NEK8: variants seen among roughly 807,000 people sequenced by gnomAD.
NEK8 encodes serine/threonine-protein kinase Nek8.
In NEK8, 51 loss-of-function variants were observed where a neutral mutation model predicts 77.2. The ratio of observed to expected loss-of-function variants is 0.66; its 90% confidence interval spans 0.53 to 0.83. The LOEUF (loss-of-function observed/expected upper bound fraction) is 0.83. Ranked by LOEUF, NEK8 falls within the 40% of genes least tolerant of loss-of-function variation. The pLI, the probability that NEK8 is intolerant of heterozygous loss-of-function variation, is 0.00. For synonymous variants in NEK8, 365 were observed against 363.2 expected (o/e 1.00, Z -0.06); for missense variants, 787 against 909.2 (o/e 0.87, Z 1.73).
At chr17:28,732,362 A>G (rs1399640176) in intron 1 of NEK8, among the ~76,000 whole-genome samples, 1 of 151,936 alleles carries the variant, frequency 6.6e-6, no homozygotes, top group Non-Finnish European at 1.5e-5. Context: ...GGGTGACAGG[A>G]GTGAAAGGGA....
At position 28,737,906 on chromosome 17, in the gene NEK8, G is replaced by A. The variant is rs200972000; in HGVS notation, c.977G>A (p.Arg326Gln). ...GGTGGTGGGCTGGGCACCCCCCTGC[G>A]GCTGCCAATGCTCAACACAGAGGTG... ...AWGGGLGTPL[R>Q]LPMLNTEVVQ... is the part of the protein sequence containing the mutation. Residue 326 changes from arginine (R) to glutamine (Q), a missense_variant, in exon 7 of 15, where the codon CGG (arginine) becomes CAG (glutamine). Physicochemically the swap from Arg to Gln is conservative, Grantham distance 43. Transcript: ENST00000268766. The surrounding 1 kb of genome is among the most constrained non-coding windows in gnomAD (Gnocchi z 4.8). 163 of 1,613,818 alleles carry A rather than the reference G, an allele frequency of 1.0e-4. No individual in the cohort carries two copies. The highest frequency in any genetic ancestry group is 1.3e-4 in the Non-Finnish European group (151 of 1,179,996).
rs1177605647 is a variant in NEK8 at position 28,740,243 on chromosome 17, C to T, written c.1418-220C>T. 6.6e-6 allele frequency among the ~76,000 whole-genome samples: 1 copy of T among 152,034 alleles called. No individual in the cohort carries two copies. The highest frequency in any genetic ancestry group is 1.9e-4 in the East Asian group (1 of 5,186). On this transcript the variant is annotated intron_variant, in intron 10 of 14. Coordinates refer to ENST00000268766, the MANE Select transcript of NEK8 (RefSeq NM_178170.3). The surrounding 1 kb of genome is among the most constrained non-coding windows in gnomAD (Gnocchi z 4.7). The stretch of plus-strand genomic sequence containing the variant: ...AGGTTGCAGTGAGTGAAGATCATAC[C>T]CTTGTACTCCAGCCTTGGCGACAGA...
At chr17:28,728,970 C>T (rs1466148297) in intron 1 of NEK8, 110 bp downstream of exon 1, 2 of 1,025,314 alleles carry the variant, frequency 2.0e-6, no homozygotes, top group Middle Eastern at 2.4e-4. Flanking sequence ...GTGAGCGCCA[C>T]TCTGGGAAGC....
In NEK8 at chr17:28,740,577, C is replaced by T; in HGVS notation, c.1532C>T (p.Thr511Ile). The T allele has an allele frequency of 3.7e-6, 6 of 1,614,214 alleles. No homozygotes were observed. The highest frequency in any genetic ancestry group is 5.1e-6 in the Non-Finnish European group (6 of 1,180,026). ...VCGIDSSMIL[T>I]VPGQALACGS... The stretch of plus-strand genomic sequence containing the variant: ...GGTATCGATTCCTCCATGATCCTCA[C>T]TGTGCCTGGCCAAGCCCTAGCCTGT... The change falls in exon 11 of 15, where the codon ACT becomes ATT. Residue 511 changes from threonine (T) to isoleucine (I), a missense_variant. This residue lies in a region of NEK8 where 516 missense variants were observed against 544.0 expected (regional missense o/e 0.95). Coordinates refer to ENST00000268766, the MANE Select transcript of NEK8 (RefSeq NM_178170.3). The surrounding 1 kb of genome is among the most constrained non-coding windows in gnomAD (Gnocchi z 4.7).
chr17:28,738,985 G>A, intron 9 of NEK8, 99 bp from the exon 10 acceptor site: 2 of 948,306 alleles, frequency 2.1e-6, no homozygotes, highest in Non-Finnish European at 3.5e-6. Flanking sequence ...GCCACCTCCT[G>A]AGAATGTGTA....
chr17:28,729,281 G>A (rs1451873482), intron 1 of NEK8, among the ~76,000 whole-genome samples: 1 of 152,212 alleles, frequency 6.6e-6, no homozygotes, highest in Non-Finnish European at 1.5e-5. Context: ...AGGTTGTGAG[G>A]ATAGAGTACA....
Position 28,741,892 on chromosome 17 carries a change from G to A in NEK8, c.2051-67G>A, listed in dbSNP as rs1306085542. On this transcript the variant is annotated intron_variant, in intron 14 of 14. Coordinates refer to ENST00000268766, the MANE Select transcript of NEK8 (RefSeq NM_178170.3). This position sits in a 1 kb window ranked among gnomAD's most constrained non-coding sequence, Gnocchi z 4.5. ...AATCCAGGGCCCAGTGGGAGTGGGA[G>A]GTGGGTGATGATTTCTGGAGGCACT... 2 of 1,529,504 alleles carry A rather than the reference G, an allele frequency of 1.3e-6. No homozygotes were observed. The highest frequency in any genetic ancestry group is 2.2e-5 in the East Asian group (1 of 44,478). 94.7% of individuals were successfully genotyped at this position (1,529,504 alleles called of 1,614,324 possible).
chr17:28,731,208 G>A (rs2034302844), intron 1 of NEK8, among the ~76,000 whole-genome samples: 1 of 151,768 alleles, frequency 6.6e-6, no homozygotes, highest in African/African-American at 2.4e-5. Flanking sequence ...TTGCACTACA[G>A]CCTAGGCAAC....
At chr17:28,734,614 G>T (rs1035725016) in intron 2 of NEK8, 158 bp from the exon 3 acceptor site, 18 of 635,966 alleles carry the variant, frequency 2.8e-5, no homozygotes, top group Middle Eastern at 3.6e-4. Context: ...AACCCGGGAG[G>T]GGGGGCTTGC....
intron 2 of NEK8, 171 bp downstream of exon 2, chr17:28,734,359 G>A (rs2034340109): frequency 3.0e-6 from 2 of 661,314 alleles, no homozygotes; most frequent in Admixed American, 2.3e-5. Context: ...CCAGTGCCCT[G>A]TTCCATACAT....
chr17:28,729,638 G>A (rs562659658), intron 1 of NEK8, among the ~76,000 whole-genome samples: 4 of 149,794 alleles, frequency 2.7e-5, no homozygotes, highest in Admixed American at 6.7e-5. Context: ...TGCCTCCCTG[G>A]TTCAAGCGCT....
intron 8 of NEK8, 126 bp downstream of exon 8, chr17:28,738,371 C>T (rs926167130): frequency 8.4e-7 from 1 of 1,195,702 alleles, no homozygotes; most frequent in African/African-American, 1.5e-5. Flanking sequence ...TTGCTTCTGT[C>T]TAGTAACTAT....
At chr17:28,735,074 C>G in intron 3 of NEK8, 70 bp downstream of exon 3, 3 of 1,500,734 alleles carry the variant, frequency 2.0e-6, no homozygotes, top group Non-Finnish European at 2.8e-6. Flanking sequence ...CCTGCCTCCT[C>G]CCCTCCCCCT....
intron 2 of NEK8, chr17:28,734,434 C>T: frequency 1.7e-6 from 1 of 579,702 alleles, no homozygotes; most frequent in East Asian, 3.0e-5. Context: ...CTTTGGGAGG[C>T]CAACGCCGAG....
intron 1 of NEK8, among the ~76,000 whole-genome samples, chr17:28,730,341 T>G (rs2034295065): frequency 7.5e-6 from 1 of 134,142 alleles, no homozygotes; most frequent in Admixed American, 8.5e-5. Context: ...CAGGCTGGAG[T>G]GCAATGGCAC....
At chr17:28,729,209 G>A (rs2034281567) in intron 1 of NEK8, among the ~76,000 whole-genome samples, 1 of 152,266 alleles carries the variant, frequency 6.6e-6, no homozygotes, top group Non-Finnish European at 1.5e-5. Flanking sequence ...CTGTGGGAAA[G>A]TTATACAATA....
At chr17:28,731,908 ATTTTTTTTTTTTTTT>A (rs71135844) in intron 1 of NEK8, among the ~76,000 whole-genome samples, 26 of 52,526 alleles carry the variant, frequency 4.9e-4, no homozygotes, top group African/African-American at 1.4e-3. Flanking sequence ...CCTGGCCCCA[ATTTTTTTTTTTTTTT>A]TTTTTTTTTT....
At position 28,740,664 on chromosome 17, in the gene NEK8, A is replaced by G; in HGVS notation, c.1568+51A>G. On this transcript the variant is annotated intron_variant, in intron 11 of 14. Coordinates refer to ENST00000268766, the MANE Select transcript of NEK8 (RefSeq NM_178170.3). The surrounding 1 kb of genome is among the most constrained non-coding windows in gnomAD (Gnocchi z 4.7). ...CCTGCCCCTGGCTCTCCTTGGCTGC[A>G]AGTGCTCCGTCCATCATTGCCTACC... 3.1e-6 allele frequency: 5 copies of G among 1,607,392 alleles called. No individual in the cohort carries two copies. Among genetic ancestry groups the G allele is most frequent in the Non-Finnish European group, 2.6e-6 (3 of 1,174,188 alleles).
chr17:28,731,953 C>T (rs1235897353), intron 1 of NEK8, among the ~76,000 whole-genome samples: 3 of 69,842 alleles, frequency 4.3e-5, no homozygotes, highest in Admixed American at 2.3e-4. Context: ...TTTTTTGAGA[C>T]GGAGTCTTGC....
Sources: gnomAD v4.1 joint callset for allele counts (sites outside exome capture counted in the v4.1 genomes callset) on GRCh38, gnomAD v4.1.1 for gene constraint, gnomAD v4.1.1 regional missense constraint, Gnocchi (gnomAD v3.1) non-coding constraint, MANE v1.5 for transcripts, NCBI Gene and HGNC (gene_info 2026-07-23, HGNC 2026-07-21) for gene names.